The following RBMS3 variants were observed in gnomAD, a reference collection of about 807,000 sequenced individuals.
RBMS3 encodes RNA-binding motif, single-stranded-interacting protein 3.
RBMS3 carries 27 observed loss-of-function variants against 66.8 expected under a neutral mutation model. The ratio of observed to expected loss-of-function variants is 0.40; its 90% CI spans 0.30 to 0.56. The LOEUF (loss-of-function observed/expected upper bound fraction) is 0.56. RBMS3 is among the 20% of genes least tolerant of loss of function. The pLI is 0.40. For missense variants in RBMS3, 513 were observed against 549.5 expected, an observed-to-expected ratio of 0.93 and a Z score of 0.66; for synonymous variants, 188 against 183.0, an observed-to-expected ratio of 1.03 and a Z score of -0.22.
chr3:29,480,625 G>C (rs1283361933), intron 2 of RBMS3, among the ~76,000 whole-genome samples: 1 of 152,152 alleles, frequency 6.6e-6, no homozygotes, highest in Admixed American at 6.5e-5. Context: ...TCAAAGTATT[G>C]TTCCAACAGA....
At chr3:29,399,955 C>G (rs2039733780) in intron 1 of RBMS3, among the ~76,000 whole-genome samples, 2 of 151,966 alleles carry the variant, frequency 1.3e-5, no homozygotes, top group African/African-American at 4.8e-5. Flanking sequence ...CTGTAGGGAT[C>G]AAATTCTATA....
chr3:29,431,958 G>T (rs752095653), intron 1 of RBMS3, among the ~76,000 whole-genome samples: 2 of 151,990 alleles, frequency 1.3e-5, no homozygotes, highest in African/African-American at 2.4e-5. Context: ...GAGCTCCTGG[G>T]CTCAAGCAGT....
rs189459761 is a variant in RBMS3 at position 29,943,727 on chromosome 3, G to T, written c.1051-480G>T. Among the ~76,000 whole-genome samples the T allele has an allele frequency of 5.2e-4, 79 of 151,888 alleles. 1 individual carries two copies. Among genetic ancestry groups the T allele is most frequent in the African/African-American group, 1.8e-3 (75 of 41,512 alleles). On this transcript the variant is annotated intron_variant, in intron 11 of 14. Transcript: ENST00000383767. ...GAGCTAGAGCTGAGTAATAAATAAT[G>T]AAATTTTGCCTTCAAAATGTGTTAG...
At chr3:29,317,976 AT>A (rs1267864989) in intron 1 of RBMS3, among the ~76,000 whole-genome samples, 2 of 151,442 alleles carry the variant, frequency 1.3e-5, no homozygotes, top group African/African-American at 4.9e-5. Flanking sequence ...ATCTTAGTTA[AT>A]TTTTTTCCCA....
intron 4 of RBMS3, among the ~76,000 whole-genome samples, chr3:29,711,522 T>C (rs1263002884): frequency 1.3e-5 from 2 of 151,976 alleles, no homozygotes; most frequent in Non-Finnish European, 2.9e-5. Flanking sequence ...ATGGATACAG[T>C]CATGAAATTT....
At chr3:29,783,021 G>C in intron 6 of RBMS3, among the ~76,000 whole-genome samples, 1 of 152,082 alleles carries the variant, frequency 6.6e-6, no homozygotes, top group Non-Finnish European at 1.5e-5. Flanking sequence ...AAGCCTTTCA[G>C]AAGTTTGGGA....
At chr3:29,860,290 A>G (rs1486418661) in intron 6 of RBMS3, among the ~76,000 whole-genome samples, 1 of 152,236 alleles carries the variant, frequency 6.6e-6, no homozygotes, top group Admixed American at 6.5e-5. Flanking sequence ...TTCTTAAAGC[A>G]TTTTGACTAA....
intron 4 of RBMS3, among the ~76,000 whole-genome samples, chr3:29,729,802 C>A (rs952169359): frequency 6.8e-6 from 1 of 147,008 alleles, no homozygotes; most frequent in Non-Finnish European, 1.5e-5. Context: ...CAAAAAAGAG[C>A]CCTCATAGCC....
intron 5 of RBMS3, among the ~76,000 whole-genome samples, chr3:29,761,151 T>A (rs2055669051): frequency 6.6e-6 from 1 of 152,102 alleles, no homozygotes; most frequent in African/African-American, 2.4e-5. Flanking sequence ...TGCAGGGTTG[T>A]TCTAAGTGTG....
chr3:29,471,493 G>A (rs903929615), intron 2 of RBMS3, among the ~76,000 whole-genome samples: 16 of 152,252 alleles, frequency 1.1e-4, no homozygotes, highest in Admixed American at 1.0e-3. Flanking sequence ...CTCTTGAGCA[G>A]AATATATTTC....
At chr3:29,417,433 A>G (rs2040524392) in intron 1 of RBMS3, among the ~76,000 whole-genome samples, 1 of 151,830 alleles carries the variant, frequency 6.6e-6, no homozygotes, top group Non-Finnish European at 1.5e-5. Flanking sequence ...GTTGCTTTCA[A>G]CTTTTATGGT....
chr3:29,693,229 G>A (rs1393647565), intron 4 of RBMS3, among the ~76,000 whole-genome samples: 3 of 152,112 alleles, frequency 2.0e-5, no homozygotes, highest in African/African-American at 7.2e-5. Context: ...AACATTCCTT[G>A]AAAATGCATA....
intron 4 of RBMS3, among the ~76,000 whole-genome samples, chr3:29,739,476 A>G (rs937155860): frequency 8.3e-5 from 12 of 144,924 alleles, no homozygotes; most frequent in South Asian, 2.2e-4. Flanking sequence ...AAAAAAAAAA[A>G]GAAAAGTTTA....
chr3:29,644,638 A>C (rs922085036), intron 4 of RBMS3, among the ~76,000 whole-genome samples: 2 of 152,328 alleles, frequency 1.3e-5, no homozygotes, highest in Middle Eastern at 3.4e-3. Flanking sequence ...AACTACAAAC[A>C]AACCCTAGTT....
intron 3 of RBMS3, among the ~76,000 whole-genome samples, chr3:29,505,415 T>C (rs2044143875): frequency 6.6e-6 from 1 of 152,006 alleles, no homozygotes; most frequent in Non-Finnish European, 1.5e-5. Context: ...CACTGATCTA[T>C]GTAATAGTTT....
chr3:29,615,118 G>A (rs2048619073), intron 4 of RBMS3: 1 of 152,486 alleles, frequency 6.6e-6, no homozygotes, highest in Admixed American at 6.5e-5. Flanking sequence ...AACTGAGTCA[G>A]CTTCGCCACC....
intron 1 of RBMS3, among the ~76,000 whole-genome samples, chr3:29,326,909 T>G (rs1319960418): frequency 6.6e-6 from 1 of 152,120 alleles, no homozygotes; most frequent in African/African-American, 2.4e-5. Context: ...TTTTTGTATT[T>G]TTAGCAGAGA....
chr3:29,465,424 T>A (rs969377566), intron 2 of RBMS3, among the ~76,000 whole-genome samples: 3 of 152,170 alleles, frequency 2.0e-5, no homozygotes, highest in African/African-American at 7.2e-5. Flanking sequence ...ATAGTTAATA[T>A]GTTCCTCCAG....
At chr3:29,392,862 G>C (rs2039365124) in intron 1 of RBMS3, among the ~76,000 whole-genome samples, 1 of 151,430 alleles carries the variant, frequency 6.6e-6, no homozygotes, top group African/African-American at 2.4e-5. Context: ...CTTCACTGCA[G>C]TTGCCCTTTG....
Sources: gnomAD v4.1 joint callset for allele counts (sites outside exome capture counted in the v4.1 genomes callset) on GRCh38, gnomAD v4.1.1 for gene constraint, MANE v1.5 for transcripts, NCBI Gene and HGNC (gene_info 2026-07-23, HGNC 2026-07-21) for gene names.